Variants in ABCA12 observed in about 807,000 individuals in gnomAD.
ABCA12 encodes ATP binding cassette subfamily A member 12, also known as glucosylceramide transporter ABCA12.
In ABCA12, 156 loss-of-function variants were observed where a neutral mutation model predicts 293.5. The observed-to-expected ratio is 0.53, with a 90% CI of 0.47 to 0.61. The LOEUF is 0.61. Ranked by LOEUF, ABCA12 falls within the 20% of genes least tolerant of loss-of-function variation. The pLI is 0.00. For missense variants in ABCA12, 2,797 were observed against 3,090.2 expected (o/e 0.91, Z 2.25); for synonymous variants, 1,063 against 1,108.0 (o/e 0.96, Z 0.81).
chr2:215,131,086 G>A (rs950423214), intron 1 of ABCA12, among the ~76,000 whole-genome samples: 4 of 151,946 alleles, frequency 2.6e-5, no homozygotes, highest in Non-Finnish European at 4.4e-5. Flanking sequence ...TTGCTTCCCT[G>A]ATCATGGTGA....
At chr2:214,998,471 T>A (rs578061532) in intron 22 of ABCA12, among the ~76,000 whole-genome samples, 106 of 152,296 alleles carry the variant, frequency 7.0e-4, no homozygotes, top group Admixed American at 2.6e-3. Context: ...AGCATTTGAT[T>A]TAAAATGCAG....
chr2:215,063,777 T>A (rs568757279), intron 3 of ABCA12, among the ~76,000 whole-genome samples: 1 of 152,064 alleles, frequency 6.6e-6, no homozygotes, highest in South Asian at 2.1e-4. Context: ...GTGTCACTGA[T>A]AATTTAAGGT....
At chr2:214,938,883 A>G (rs1435948943) in intron 50 of ABCA12, among the ~76,000 whole-genome samples, 3 of 152,140 alleles carry the variant, frequency 2.0e-5, no homozygotes, top group Non-Finnish European at 4.4e-5. Flanking sequence ...ATAGATTGCA[A>G]AAATTTTCTC....
rs367676072 is a variant in ABCA12 at position 215,001,679 on chromosome 2, T to C, written c.2742A>G (p.Leu914=). Residue 914 remains leucine (L), a synonymous_variant, in exon 21 of 53, where the codon CTA becomes CTG. Transcript: ENST00000272895. ...AGGAAATATTTACTGTCAGGGAAGA[T>C]AGTGTGTTAAGCTGATCGATGATGT... The part of the protein sequence containing the change: ...NIDIIDQLNT[L]SSLTVNISSC... 103 of 1,613,716 alleles carry C rather than the reference T, an allele frequency of 6.4e-5. No homozygotes were observed. The African/African-American group carries it at 1.1e-3, about 18-fold the overall frequency.
chr2:215,116,263 C>A (rs1045463459), intron 1 of ABCA12, among the ~76,000 whole-genome samples: 2 of 151,858 alleles, frequency 1.3e-5, no homozygotes, highest in African/African-American at 4.8e-5. Flanking sequence ...ACCTATTTTT[C>A]CAAAAAAAAT....
chr2:214,949,357 A>AATATATAT lies in ABCA12; in HGVS notation c.6853-216_6853-209dup, dbSNP rs371533143. On this transcript the variant is annotated intron_variant, in intron 45 of 52. Transcript: ENST00000272895. ...GTATTCTTTTTCCTTTAACCATCTGAATATATATATATATATATATACACA... is the reference window on the plus strand; with the variant it reads ...GTATTCTTTTTCCTTTAACCATCTGAATATATATATATATATATATATATATATACACA... 2.8e-5 allele frequency among the ~76,000 whole-genome samples: 4 copies of AATATATAT among 145,436 alleles called. No individual in the cohort carries two copies. The East Asian group carries it at 8.0e-4, about 29-fold the overall frequency.
intron 28 of ABCA12, among the ~76,000 whole-genome samples, chr2:214,984,378 G>A (rs1699740863): frequency 6.6e-6 from 1 of 152,178 alleles, no homozygotes; most frequent in Non-Finnish European, 1.5e-5. Context: ...TTACAGGCAT[G>A]AGCCACTGCG....
At chr2:215,104,593 A>T (rs190398923) in intron 2 of ABCA12, among the ~76,000 whole-genome samples, 160 of 152,360 alleles carry the variant, frequency 1.1e-3, no homozygotes, top group Non-Finnish European at 1.1e-3. Context: ...TGGCTTCCAC[A>T]GAATTTATCT....
chr2:214,970,021 GA>G (rs144060700), intron 37 of ABCA12, among the ~76,000 whole-genome samples: 1,965 of 147,688 alleles, frequency 0.013, 45 homozygotes, highest in African/African-American at 0.046. Flanking sequence ...TGGCTTCAAG[GA>G]AAAAAAAAAT....
At chr2:215,091,277 C>T (rs1702136805) in intron 2 of ABCA12, among the ~76,000 whole-genome samples, 1 of 152,140 alleles carries the variant, frequency 6.6e-6, no homozygotes. Flanking sequence ...TCCACAGCCT[C>T]TGCTCCCCAA....
chr2:214,953,460 A>G (rs1389694766), intron 44 of ABCA12, among the ~76,000 whole-genome samples: 3 of 151,994 alleles, frequency 2.0e-5, no homozygotes, highest in Non-Finnish European at 4.4e-5. Context: ...TCTTTTCCCA[A>G]ACTCATTGCC....
intron 45 of ABCA12, 30 bp from the exon 46 acceptor site, chr2:214,949,179 G>A: frequency 6.6e-7 from 1 of 1,510,956 alleles, no homozygotes; most frequent in African/African-American, 1.4e-5. Context: ...GAAGATATAA[G>A]CCTTAATCCA....
intron 7 of ABCA12, among the ~76,000 whole-genome samples, chr2:215,045,417 A>G (rs1479439673): frequency 6.6e-6 from 1 of 152,164 alleles, no homozygotes; most frequent in South Asian, 2.1e-4. Context: ...TCTTACCAAT[A>G]TGGTTGTTTT....
In ABCA12 at chr2:215,011,660, A is replaced by T; in HGVS notation, c.2122-11T>A. ...GCTTCTGTACATTGCCTGTGAGACA[A>T]AAATCCACAATTTATTGACACTATA... On this transcript the variant is annotated splice_polypyrimidine_tract_variant and intron_variant, in intron 16 of 52. Coordinates refer to ENST00000272895, the MANE Select transcript of ABCA12 (RefSeq NM_173076.3). 6.2e-7 allele frequency: 1 copy of T among 1,613,276 alleles called. No individual in the cohort carries two copies. The highest frequency in any genetic ancestry group is 8.5e-7 in the Non-Finnish European group (1 of 1,179,276).
chr2:214,956,738 A>T lies in ABCA12; in HGVS notation c.6158T>A (p.Ile2053Asn). The change falls in exon 42 of 53, where the codon ATT becomes AAT. Residue 2053 changes from isoleucine (I) to asparagine (N), a missense_variant. Ile to Asn is a moderately radical substitution (Grantham distance 149). Coordinates refer to ENST00000272895, the MANE Select transcript of ABCA12 (RefSeq NM_173076.3). ...LVPVAFSIGI[I>N]AIFKLPAFYS... ...GAATGCAGGTAATTTGAAAATCGCA[A>T]TGATACCAATTGAAAACGCTACAGG... The T allele has an allele frequency of 6.2e-7, 1 of 1,613,742 alleles. No homozygotes were observed. The highest frequency in any genetic ancestry group is 8.5e-7 in the Non-Finnish European group (1 of 1,179,756).
chr2:215,012,133 C>T lies in ABCA12; in HGVS notation c.1959G>A (p.Val653=), dbSNP rs1020637905. 1.9e-6 allele frequency: 3 copies of T among 1,613,616 alleles called. No homozygotes were observed. Among genetic ancestry groups the T allele is most frequent in the Non-Finnish European group, 2.5e-6 (3 of 1,179,694 alleles). ...GCTTTTGATCTTTCCTCGGGAAAAA[C>T]ACCTAACAGAAACAGAATAAAAATA... ...YLNIYNFTYK[V]FFPRKDQKPV... Residue 653 remains valine, a splice_region_variant and synonymous_variant, in exon 16 of 53, where the codon GTG becomes GTA. Transcript: ENST00000272895.
At chr2:215,028,377 G>C (rs1700796352) in intron 9 of ABCA12, among the ~76,000 whole-genome samples, 1 of 152,222 alleles carries the variant, frequency 6.6e-6, no homozygotes, top group South Asian at 2.1e-4. Context: ...AAAGTGGTCA[G>C]AGGGCTGACT....
chr2:214,938,301 G>T (rs1430891310), intron 50 of ABCA12, among the ~76,000 whole-genome samples: 1 of 151,476 alleles, frequency 6.6e-6, no homozygotes, highest in Admixed American at 6.6e-5. Context: ...TTTTTATGTG[G>T]CACATATACA....
intron 37 of ABCA12, among the ~76,000 whole-genome samples, chr2:214,969,404 A>G (rs1699336774): frequency 6.6e-6 from 1 of 152,102 alleles, no homozygotes; most frequent in Non-Finnish European, 1.5e-5. Flanking sequence ...TGCCTACCAA[A>G]TTAAGGACAG....
Sources: allele counts gnomAD v4.1 joint callset (sites outside exome capture counted in the v4.1 genomes callset), GRCh38; gene constraint gnomAD v4.1.1; transcripts MANE v1.5; gene names NCBI Gene and HGNC (gene_info 2026-07-23, HGNC 2026-07-21).